The following PPFIA4 variants were observed in gnomAD, a reference collection of about 807,000 sequenced individuals.
PPFIA4 encodes the protein liprin-alpha-4.
In PPFIA4, 98 loss-of-function variants were observed where a neutral mutation model predicts 145.7. The observed-to-expected ratio is 0.67, with a 90% confidence interval of 0.57 to 0.80. The LOEUF is 0.80. Ranked by LOEUF, PPFIA4 falls within the 30% of genes least tolerant of loss-of-function variation. The pLI is 0.00. For missense variants in PPFIA4, 1,457 were observed against 1,632.7 expected (o/e 0.89, Z 1.85); for synonymous variants, 628 against 649.6 (o/e 0.97, Z 0.51).
intron 1 of PPFIA4, among the ~76,000 whole-genome samples, chr1:203,027,821 C>A (rs1041296699): frequency 1.3e-5 from 2 of 152,152 alleles, no homozygotes; most frequent in African/African-American, 4.8e-5. Context: ...CCCTTCTCAC[C>A]GCCCATCCCC....
In PPFIA4 at chr1:203,045,848, C is replaced by T; in HGVS notation, c.866C>T (p.Ala289Val). 1 of 1,612,820 alleles carries T rather than the reference C, an allele frequency of 6.2e-7. No individual in the cohort carries two copies. The highest frequency in any genetic ancestry group is 8.5e-7 in the Non-Finnish European group (1 of 1,179,872). Residue 289 changes from alanine (A) to valine (V), a missense_variant, in exon 8 of 30, where the codon GCC (alanine) becomes GTC (valine). By Grantham distance (64) the Ala-to-Val change is moderately conservative. Around this residue, in one of 3 missense-constraint regions of PPFIA4, gnomAD observed 463 missense variants for 459.8 expected, o/e 1.01. Transcript: ENST00000295706. The stretch of plus-strand genomic sequence containing the variant: ...TGTCCCCTCTTCTCCCAGGCTCTGG[C>T]CCAGAAGGAGGACATGGAAGAGCGG... ...KHQRDLREAL[A>V]QKEDMEERIT...
At position 203,077,765 on chromosome 1, in the gene PPFIA4, A is replaced by C. The variant is rs1308140745; in HGVS notation, c.*1375A>C. The C allele has an allele frequency of 6.6e-6, 1 of 152,084 alleles. No homozygotes were observed. Among genetic ancestry groups the C allele is most frequent in the Admixed American group, 6.5e-5 (1 of 15,268 alleles). The allele number at this position is 152,084 out of a possible 1,614,324, so 9.4% of individuals were successfully genotyped here. A position where few individuals can be genotyped will look rare whatever the true frequency, so the allele number is the denominator to read the frequency against. ...TATTCCCAAGAAATACCCGCTCCTCACCTACTCCCTCATCCTACCAAGGTG... is the reference window on the plus strand; with the variant it reads ...TATTCCCAAGAAATACCCGCTCCTCCCCTACTCCCTCATCCTACCAAGGTG... On this transcript the variant is annotated 3_prime_UTR_variant, in exon 30 of 30. Transcript: ENST00000295706.
At position 203,077,692 on chromosome 1, in the gene PPFIA4, G is replaced by C. The variant is rs756679845; in HGVS notation, c.*1302G>C. ...TTTTCATTGCTTTCCCCAGCAGCAT[G>C]ATGGGAACCCAAGCTGAGGGATACA... On this transcript the variant is annotated 3_prime_UTR_variant, in exon 30 of 30. Coordinates refer to ENST00000295706, the MANE Select transcript of PPFIA4 (RefSeq NM_001304331.2). 5.9e-5 allele frequency: 9 copies of C among 152,356 alleles called. No homozygotes were observed. Among genetic ancestry groups the C allele is most frequent in the Non-Finnish European group, 1.2e-4 (8 of 68,048 alleles). The allele number at this position is 152,356 out of a possible 1,614,324, so 9.4% of individuals were successfully genotyped here.
chr1:203,037,625 A>G (rs1247985075), intron 1 of PPFIA4, among the ~76,000 whole-genome samples: 2 of 152,214 alleles, frequency 1.3e-5, no homozygotes, highest in Non-Finnish European at 2.9e-5. Flanking sequence ...CTGTTACTTC[A>G]TCGCCGGCTT....
intron 1 of PPFIA4, 25 bp downstream of exon 1, chr1:203,026,654 G>C (rs546727375): frequency 7.2e-5 from 11 of 152,434 alleles, no homozygotes; most frequent in Admixed American, 2.6e-4. Flanking sequence ...CCTGGACTGG[G>C]GTAGGATGCG....
chr1:203,033,460 C>CT (rs1658992316), intron 1 of PPFIA4, among the ~76,000 whole-genome samples: 1 of 152,208 alleles, frequency 6.6e-6, no homozygotes. Flanking sequence ...TTCATGAACA[C>CT]TTACCGAGTT....
chr1:203,055,206 C>A lies in PPFIA4; in HGVS notation c.1830-226C>A, dbSNP rs1447895919. Among the ~76,000 whole-genome samples the A allele has an allele frequency of 1.3e-5, 2 of 152,206 alleles. No individual in the cohort carries two copies. On this transcript the variant is annotated intron_variant, in intron 15 of 29. Transcript: ENST00000295706. The surrounding 1 kb of genome is among the most constrained non-coding windows in gnomAD (Gnocchi z 4.8). Reference sequence around the variant, plus strand: ...TCTGATTTTCAGGATGGTTTATGTTCCACTGACGAAAGTGCCTCCTTCCCC... The same window carrying A: ...TCTGATTTTCAGGATGGTTTATGTTACACTGACGAAAGTGCCTCCTTCCCC...
chr1:203,060,883 C>G lies in PPFIA4; in HGVS notation c.2785-87C>G. 8.0e-7 allele frequency: 1 copy of G among 1,244,856 alleles called. No individual in the cohort carries two copies. The allele number at this position is 1,244,856 out of a possible 1,614,324, so 77.1% of individuals were successfully genotyped here. On this transcript the variant is annotated intron_variant, in intron 22 of 29. Coordinates refer to ENST00000295706, the MANE Select transcript of PPFIA4 (RefSeq NM_001304331.2). This position sits in a 1 kb window ranked among gnomAD's most constrained non-coding sequence, Gnocchi z 4.8. ...CATTTCAGAGGACTCAGGGAGGGAG[C>G]TTTGTCCTTGTCCTTTGGGCTCCCA...
In PPFIA4 at chr1:203,060,996, T is replaced by A. The variant is rs1661318846; in HGVS notation, c.2811T>A (p.His937Gln). The A allele has an allele frequency of 6.2e-7, 1 of 1,613,852 alleles. No homozygotes were observed. Among genetic ancestry groups the A allele is most frequent in the African/African-American group, 1.3e-5 (1 of 74,922 alleles). Reference protein sequence around the residue: ...RTSSGNVWVTHEEMETLETST... With the variant: ...RTSSGNVWVTQEEMETLETST... Reference sequence around the variant, plus strand: ...CTTCTGGGAATGTCTGGGTCACCCATGAAGAGATGGAAACTCTGGAAACAT... The same window carrying A: ...CTTCTGGGAATGTCTGGGTCACCCAAGAAGAGATGGAAACTCTGGAAACAT... The change falls in exon 23 of 30, where the codon CAT becomes CAA. Residue 937 changes from histidine (H) to glutamine (Q), a missense_variant. Physicochemically the swap from His to Gln is conservative, Grantham distance 24. This residue lies in a region of PPFIA4 where 848 missense variants were observed against 1,046.7 expected (regional missense o/e 0.81). Transcript: ENST00000295706. The surrounding 1 kb of genome is among the most constrained non-coding windows in gnomAD (Gnocchi z 4.8).
At chr1:203,044,972 A>G (rs986996923) in intron 6 of PPFIA4, among the ~76,000 whole-genome samples, 187 bp downstream of exon 6, 1 of 152,100 alleles carries the variant, frequency 6.6e-6, no homozygotes, top group Non-Finnish European at 1.5e-5. Flanking sequence ...TTTTTATTTT[A>G]GTGCCCAACA....
At chr1:203,076,319 C>A in intron 29 of PPFIA4, 22 bp from the exon 30 acceptor site, 2 of 1,600,990 alleles carry the variant, frequency 1.2e-6, no homozygotes, top group Non-Finnish European at 1.7e-6. Context: ...CAGTGCGATG[C>A]CTGTCTCTCT....
intron 1 of PPFIA4, among the ~76,000 whole-genome samples, chr1:203,031,516 T>TA (rs1344769884): frequency 2.0e-5 from 3 of 152,110 alleles, no homozygotes; most frequent in Middle Eastern, 3.2e-3. Context: ...TAATGCACAT[T>TA]TTTTATGATG....
chr1:203,054,340 A>G (rs1360897381), intron 15 of PPFIA4, among the ~76,000 whole-genome samples: 1 of 152,220 alleles, frequency 6.6e-6, no homozygotes, highest in Non-Finnish European at 1.5e-5. Context: ...GGTAGGCAGC[A>G]TGATCCCTGT....
chr1:203,074,390 GTAAAAGTAT>G (rs1241983548), intron 28 of PPFIA4, among the ~76,000 whole-genome samples: 1 of 152,116 alleles, frequency 6.6e-6, no homozygotes, highest in African/African-American at 2.4e-5. Context: ...AAAAGGGACA[GTAAAAGTAT>G]TATAATCTTA....
rs576791539 is a variant in PPFIA4 at position 203,035,579 on chromosome 1, G to T, written c.-399-3031G>T. 9.2e-4 allele frequency: 418 copies of T among 456,818 alleles called. 1 individual carries two copies. The highest frequency in any genetic ancestry group is 1.4e-3 in the Non-Finnish European group (315 of 226,976). The allele number at this position is 456,818 out of a possible 1,614,324, so 28.3% of individuals were successfully genotyped here. ...CACAGCCTGCCCACACTCCTCCCCG[G>T]CAAAGCCCCTTGCAAATGCTTGCTT... On this transcript the variant is annotated intron_variant, in intron 1 of 29. Coordinates refer to ENST00000295706, the MANE Select transcript of PPFIA4 (RefSeq NM_001304331.2).
At position 203,068,678 on chromosome 1, in the gene PPFIA4, C is replaced by G. The variant is rs1027515902; in HGVS notation, c.3324+50C>G. ...CTTGAGTCTCTCCCTGTATCCCTCACTTGCTCTCTTTCTTTCCCTCATACA... is the reference window on the plus strand; with the variant it reads ...CTTGAGTCTCTCCCTGTATCCCTCAGTTGCTCTCTTTCTTTCCCTCATACA... On this transcript the variant is annotated intron_variant, in intron 27 of 29. Transcript: ENST00000295706. This position sits in a 1 kb window ranked among gnomAD's most constrained non-coding sequence, Gnocchi z 4.7. 6.4e-6 allele frequency: 9 copies of G among 1,409,502 alleles called. No individual in the cohort carries two copies. The African/African-American group carries it at 1.3e-4, about 21-fold the overall frequency. The allele number at this position is 1,409,502 out of a possible 1,614,324, so 87.3% of individuals were successfully genotyped here. A position where few individuals can be genotyped will look rare whatever the true frequency, so the allele number is the denominator to read the frequency against.
chr1:203,060,089 A>G lies in PPFIA4; in HGVS notation c.2584-128A>G. On this transcript the variant is annotated intron_variant, in intron 21 of 29. Coordinates refer to ENST00000295706, the MANE Select transcript of PPFIA4 (RefSeq NM_001304331.2). The surrounding 1 kb of genome is among the most constrained non-coding windows in gnomAD (Gnocchi z 4.8). Reference sequence around the variant, plus strand: ...GAGAGTGAGGGGTTTGATGACCGCCACATTCCTATGATCTGTATTTGCTAT... The same window carrying G: ...GAGAGTGAGGGGTTTGATGACCGCCGCATTCCTATGATCTGTATTTGCTAT... 1.1e-6 allele frequency: 1 copy of G among 913,234 alleles called. No individual in the cohort carries two copies. Among genetic ancestry groups the G allele is most frequent in the South Asian group, 1.6e-5 (1 of 61,848 alleles). The allele number at this position is 913,234 out of a possible 1,614,324, so 56.6% of individuals were successfully genotyped here.
intron 14 of PPFIA4, 77 bp from the exon 15 acceptor site, chr1:203,053,676 G>C (rs761391915): frequency 4.8e-6 from 6 of 1,243,826 alleles, no homozygotes; most frequent in Non-Finnish European, 6.9e-6. Flanking sequence ...GTGCTGGTGG[G>C]TAGAGGTAGG....
At position 203,076,385 on chromosome 1, in the gene PPFIA4, G is replaced by A; in HGVS notation, c.3619G>A (p.Asp1207Asn). The A allele has an allele frequency of 6.2e-7, 1 of 1,608,432 alleles. No homozygotes were observed. Among genetic ancestry groups the A allele is most frequent in the Non-Finnish European group, 8.5e-7 (1 of 1,179,768 alleles). Residue 1207 changes from aspartate to asparagine, a missense_variant, in exon 30 of 30, where the codon GAC becomes AAC. Transcript: ENST00000295706. ...LYGHMLSAFR[D>N] is the part of the protein sequence containing the mutation. ...CGGACACATGCTCTCCGCCTTCCGG[G>A]ACTAGCCATGGCCCCCAGGGCTGGC...
Sources: gnomAD v4.1 joint callset for allele counts (sites outside exome capture counted in the v4.1 genomes callset) on GRCh38, gnomAD v4.1.1 for gene constraint, gnomAD v4.1.1 regional missense constraint, Gnocchi (gnomAD v3.1) non-coding constraint, MANE v1.5 for transcripts, NCBI Gene and HGNC (gene_info 2026-07-23, HGNC 2026-07-21) for gene names.